CNTN5: variants seen among roughly 807,000 people sequenced by gnomAD.
The protein encoded by CNTN5 is contactin-5.
CNTN5 carries 77 observed loss-of-function variants against 129.1 expected under a neutral mutation model. The observed-to-expected ratio is 0.60, with a 90% confidence interval of 0.50 to 0.72. The LOEUF is 0.72. Ranked by LOEUF, CNTN5 falls within the 30% of genes least tolerant of loss-of-function variation. The pLI, the probability that CNTN5 is intolerant of heterozygous loss-of-function variation, is 0.00. For missense variants in CNTN5, 1,478 were observed against 1,328.8 expected (o/e 1.11, Z -1.75); for synonymous variants, 509 against 465.6 (o/e 1.09, Z -1.20).
chr11:99,531,782 C>G lies in CNTN5; in HGVS notation c.-70-24363C>G, dbSNP rs992939547. ...GCATTGAGCGTTCGAGTGCACAGAA[C>G]TAGAAGTCAAGAATTCAGGTTTGGG... is the stretch of plus-strand genomic sequence containing the variant. On this transcript the variant is annotated intron_variant, in intron 2 of 24. Coordinates refer to ENST00000524871, the MANE Select transcript of CNTN5 (RefSeq NM_014361.4). Among the ~76,000 whole-genome samples, 4 of 152,196 alleles carry G rather than the reference C, an allele frequency of 2.6e-5. No individual in the cohort carries two copies. In the South Asian group the frequency reaches 6.2e-4, roughly 24 times the overall value.
chr11:99,259,155 G>T (rs1039481656), intron 1 of CNTN5, among the ~76,000 whole-genome samples: 1 of 151,806 alleles, frequency 6.6e-6, no homozygotes, highest in Non-Finnish European at 1.5e-5. Flanking sequence ...AAGGTATCAT[G>T]TTTGCCAGTG....
rs76610993 is a variant in CNTN5 at position 99,486,558 on chromosome 11, G to T, written c.-70-69587G>T. 6.3e-3 allele frequency among the ~76,000 whole-genome samples: 955 copies of T among 152,134 alleles called. 9 individuals carry two copies. Among genetic ancestry groups the T allele is most frequent in the African/African-American group, 0.022 (901 of 41,520 alleles). ...TGTAAATTAGTGTGAGTAAATGATG[G>T]TTTAATATGAATTAAAGTGATGATT... On this transcript the variant is annotated intron_variant, in intron 2 of 24. Transcript: ENST00000524871.
At chr11:99,902,510 C>CA (rs1949386379) in intron 6 of CNTN5, among the ~76,000 whole-genome samples, 1 of 152,048 alleles carries the variant, frequency 6.6e-6, no homozygotes, top group African/African-American at 2.4e-5. Context: ...AGTAAATAGA[C>CA]ATATTAGTCC....
intron 1 of CNTN5, among the ~76,000 whole-genome samples, chr11:99,159,229 T>C: frequency 6.6e-6 from 1 of 152,234 alleles, no homozygotes. Context: ...GACATATTTT[T>C]AAAAATATAT....
intron 21 of CNTN5, among the ~76,000 whole-genome samples, chr11:100,317,295 T>C (rs907397685): frequency 3.9e-5 from 6 of 152,000 alleles, no homozygotes; most frequent in Middle Eastern, 3.2e-3. Context: ...GGGGAGGAAA[T>C]GTATATGTGT....
intron 1 of CNTN5, among the ~76,000 whole-genome samples, chr11:99,301,842 G>T (rs1054373620): frequency 6.6e-6 from 1 of 151,560 alleles, no homozygotes; most frequent in Non-Finnish European, 1.5e-5. Flanking sequence ...CGTGACAATC[G>T]TAAATAAGTT....
chr11:99,399,146 C>A (rs551485595), intron 2 of CNTN5, among the ~76,000 whole-genome samples: 33 of 92,292 alleles, frequency 3.6e-4, no homozygotes, highest in African/African-American at 1.4e-3. Context: ...GCTACATAAG[C>A]ATTTGTGGAA....
intron 1 of CNTN5, among the ~76,000 whole-genome samples, chr11:99,246,664 T>G (rs1345729984): frequency 1.3e-5 from 2 of 152,166 alleles, no homozygotes; most frequent in Non-Finnish European, 2.9e-5. Context: ...TCAAAATATC[T>G]TTATGAAATG....
intron 6 of CNTN5, among the ~76,000 whole-genome samples, chr11:99,888,583 G>A (rs921774375): frequency 1.3e-5 from 2 of 152,088 alleles, no homozygotes; most frequent in Non-Finnish European, 2.9e-5. Context: ...GCTGAAACAG[G>A]CTTATTTTTA....
Position 100,356,399 on chromosome 11 carries a change from T to C in CNTN5, c.*179T>C, listed in dbSNP as rs1952526810. 1.7e-6 allele frequency: 1 copy of C among 592,376 alleles called. No homozygotes were observed. Among genetic ancestry groups the C allele is most frequent in the African/African-American group, 1.9e-5 (1 of 53,312 alleles). 36.7% of individuals were successfully genotyped at this position (592,376 alleles called of 1,614,324 possible). A position where few individuals can be genotyped will look rare whatever the true frequency, so the allele number is the denominator to read the frequency against. ...TATTACTTATCCATCAGGTTTCTCTTTGGTTTTTGTAAACGGAGAGGACAG... is the reference window on the plus strand; with the variant it reads ...TATTACTTATCCATCAGGTTTCTCTCTGGTTTTTGTAAACGGAGAGGACAG... On this transcript the variant is annotated 3_prime_UTR_variant, in exon 25 of 25. Coordinates refer to ENST00000524871, the MANE Select transcript of CNTN5 (RefSeq NM_014361.4).
intron 3 of CNTN5, among the ~76,000 whole-genome samples, chr11:99,569,102 GTT>G (rs1290009122): frequency 6.6e-6 from 1 of 151,946 alleles, no homozygotes; most frequent in Non-Finnish European, 1.5e-5. Context: ...GATAAACATG[GTT>G]TGAAGTGAAA....
chr11:99,371,869 C>G (rs1165200786), intron 2 of CNTN5, among the ~76,000 whole-genome samples: 2 of 152,146 alleles, frequency 1.3e-5, no homozygotes, highest in African/African-American at 4.8e-5. Context: ...CTTTAGACAG[C>G]TAAGTTTAAA....
intron 1 of CNTN5, among the ~76,000 whole-genome samples, chr11:99,278,506 G>A (rs1385499822): frequency 6.6e-6 from 1 of 151,522 alleles, no homozygotes; most frequent in Non-Finnish European, 1.5e-5. Flanking sequence ...ATTAAGTTTG[G>A]TATAAAATAA....
chr11:99,968,154 G>A (rs758569523), intron 8 of CNTN5, among the ~76,000 whole-genome samples: 11 of 152,090 alleles, frequency 7.2e-5, no homozygotes, highest in Non-Finnish European at 1.3e-4. Flanking sequence ...ACTTCCTAAG[G>A]CAACATTTTC....
At chr11:100,187,451 T>A (rs1948334462) in intron 13 of CNTN5, among the ~76,000 whole-genome samples, 1 of 151,336 alleles carries the variant, frequency 6.6e-6, no homozygotes, top group African/African-American at 2.4e-5. Context: ...TATTCTAAAA[T>A]TCATATGGAA....
intron 1 of CNTN5, among the ~76,000 whole-genome samples, chr11:99,070,281 C>T (rs1003995987): frequency 1.3e-5 from 2 of 152,140 alleles, no homozygotes; most frequent in Non-Finnish European, 2.9e-5. Context: ...TTTCTTCCCT[C>T]AAGGAGATTT....
At chr11:99,572,678 C>T (rs1292198192) in intron 3 of CNTN5, among the ~76,000 whole-genome samples, 1 of 152,050 alleles carries the variant, frequency 6.6e-6, no homozygotes, top group East Asian at 1.9e-4. Flanking sequence ...TCCCCTTGTC[C>T]ATAGATCTAT....
chr11:100,354,202 G>T (rs557010380), intron 24 of CNTN5, among the ~76,000 whole-genome samples: 1 of 151,408 alleles, frequency 6.6e-6, no homozygotes. Context: ...AAAAAGCTTC[G>T]TACAGTATGT....
chr11:99,610,667 T>C (rs1039461480), intron 3 of CNTN5, among the ~76,000 whole-genome samples: 1 of 152,130 alleles, frequency 6.6e-6, no homozygotes, highest in Non-Finnish European at 1.5e-5. Context: ...GAACATGTGA[T>C]ATTAAACCGA....
Sources: gnomAD v4.1 joint callset for allele counts (sites outside exome capture counted in the v4.1 genomes callset) on GRCh38, gnomAD v4.1.1 for gene constraint, MANE v1.5 for transcripts, NCBI Gene and HGNC (gene_info 2026-07-23, HGNC 2026-07-21) for gene names.